The following CDH13 variants were observed in gnomAD, a reference collection of about 807,000 sequenced individuals.
CDH13 encodes cadherin 13.
CDH13 carries 24 observed loss-of-function variants against 63.8 expected under a neutral mutation model. The ratio of observed to expected loss-of-function variants is 0.38; its 90% confidence interval spans 0.27 to 0.53. The LOEUF (loss-of-function observed/expected upper bound fraction) is 0.53, where lower values mean the gene tolerates loss of function less well. CDH13 is among the 20% of genes least tolerant of loss of function. The pLI, the probability that CDH13 is intolerant of heterozygous loss-of-function variation, is 0.85. For missense variants in CDH13, 1,049 were observed against 903.1 expected (o/e 1.16, Z -2.07); for synonymous variants, 503 against 355.3 (o/e 1.42, Z -4.67).
intron 5 of CDH13, among the ~76,000 whole-genome samples, chr16:83,302,378 C>T (rs2089770362): frequency 6.6e-6 from 1 of 152,140 alleles, no homozygotes. Flanking sequence ...TGTAGAAGTT[C>T]TTGGCACAGA....
intron 2 of CDH13, among the ~76,000 whole-genome samples, chr16:82,902,974 G>A (rs2041520336): frequency 6.6e-6 from 1 of 152,126 alleles, no homozygotes; most frequent in South Asian, 2.1e-4. Context: ...TTGTCTTCAT[G>A]GCTAGCAACT....
At position 83,496,816 on chromosome 16, in the gene CDH13, A is replaced by G. The variant is rs554083253; in HGVS notation, c.960+10161A>G. On this transcript the variant is annotated intron_variant, in intron 7 of 13. Transcript: ENST00000567109. ...AATGAACTCAAACAAATTTACAAGA[A>G]AAAAACAAACAACCCCATCAAAAAG... Among the ~76,000 whole-genome samples the G allele has an allele frequency of 5.5e-3, 840 of 152,318 alleles. 2 individuals are homozygous for G. Among genetic ancestry groups the G allele is most frequent in the Non-Finnish European group, 8.4e-3 (574 of 68,020 alleles).
At chr16:83,233,369 C>T (rs1368971823) in intron 5 of CDH13, among the ~76,000 whole-genome samples, 7 of 152,172 alleles carry the variant, frequency 4.6e-5, no homozygotes, top group African/African-American at 1.2e-4. Context: ...ACAGATGCTA[C>T]GTCACCAGTC....
chr16:83,022,743 A>G (rs907531904), intron 2 of CDH13, among the ~76,000 whole-genome samples: 6 of 152,216 alleles, frequency 3.9e-5, no homozygotes, highest in Non-Finnish European at 8.8e-5. Context: ...CCACTCTGAA[A>G]GGGCCCCACA....
intron 8 of CDH13, among the ~76,000 whole-genome samples, chr16:83,609,879 T>G (rs1908696880): frequency 6.6e-6 from 1 of 152,158 alleles, no homozygotes; most frequent in Admixed American, 6.6e-5. Context: ...TACTCCCCAT[T>G]GCCCATTCCC....
intron 2 of CDH13, among the ~76,000 whole-genome samples, chr16:82,862,195 A>G (rs17673376): frequency 0.029 from 4,437 of 152,232 alleles, 98 homozygotes; most frequent in Non-Finnish European, 0.048. Context: ...GGGAGCTGAC[A>G]TCTTAGTACC....
chr16:82,920,530 C>T (rs1053207805), intron 2 of CDH13, among the ~76,000 whole-genome samples: 1 of 152,178 alleles, frequency 6.6e-6, no homozygotes, highest in African/African-American at 2.4e-5. Flanking sequence ...TGGAGTCACC[C>T]CATCTGTAAA....
chr16:83,481,688 C>A lies in CDH13; in HGVS notation c.782-4789C>A, dbSNP rs538471403. ...AACCAGGAACCTGGGATGTTTTCTT[C>A]CCCCTTTGGAGGAGCTGCTGCTAGT... On this transcript the variant is annotated intron_variant, in intron 6 of 13. Transcript: ENST00000567109. 2.0e-5 allele frequency among the ~76,000 whole-genome samples: 3 copies of A among 152,214 alleles called. No individual in the cohort carries two copies. In the East Asian group the frequency reaches 5.8e-4, roughly 29 times the overall value.
chr16:83,630,490 G>A (rs911944179), intron 8 of CDH13, among the ~76,000 whole-genome samples: 2 of 152,188 alleles, frequency 1.3e-5, no homozygotes, highest in Admixed American at 6.5e-5. Flanking sequence ...GGCGATCAGG[G>A]AGCTTACAGG....
intron 1 of CDH13, among the ~76,000 whole-genome samples, chr16:82,765,331 T>C (rs768379732): frequency 2.6e-5 from 4 of 152,226 alleles, no homozygotes; most frequent in African/African-American, 4.8e-5. Flanking sequence ...ATACTGCTAT[T>C]ATGCATCTGG....
intron 1 of CDH13, among the ~76,000 whole-genome samples, chr16:82,672,901 A>G (rs1015044143): frequency 6.7e-6 from 1 of 148,986 alleles, no homozygotes; most frequent in South Asian, 2.1e-4. Flanking sequence ...TGCCACTTCT[A>G]CCTCCTGGGC....
intron 8 of CDH13, among the ~76,000 whole-genome samples, chr16:83,662,229 G>A (rs183534401): frequency 6.0e-4 from 92 of 152,264 alleles, no homozygotes; most frequent in Middle Eastern, 3.4e-3. Flanking sequence ...CACCTGTTTA[G>A]TAATGGTGGA....
intron 1 of CDH13, among the ~76,000 whole-genome samples, chr16:82,700,970 C>CCCCCA (rs2030947767): frequency 2.3e-5 from 1 of 44,038 alleles, no homozygotes; most frequent in Admixed American, 1.6e-4. Context: ...CCCCCCCCCC[C>CCCCCA]CCCCGCCCCG....
intron 6 of CDH13, among the ~76,000 whole-genome samples, chr16:83,446,244 G>A (rs760069989): frequency 2.1e-4 from 31 of 151,210 alleles, no homozygotes; most frequent in East Asian, 3.9e-4. Context: ...CAGAGGTTGC[G>A]GTGAGCCGAG....
intron 7 of CDH13, among the ~76,000 whole-genome samples, chr16:83,555,359 C>T (rs1430748865): frequency 6.6e-6 from 1 of 152,206 alleles, no homozygotes; most frequent in South Asian, 2.1e-4. Context: ...CAAGACCCTG[C>T]CTGCCCCAGG....
chr16:83,577,563 C>T (rs1905174375), intron 7 of CDH13, among the ~76,000 whole-genome samples: 1 of 152,192 alleles, frequency 6.6e-6, no homozygotes, highest in Non-Finnish European at 1.5e-5. Flanking sequence ...ATGGGAATTA[C>T]TAATGGCCAT....
At chr16:83,424,090 A>C in intron 6 of CDH13, among the ~76,000 whole-genome samples, 1 of 152,004 alleles carries the variant, frequency 6.6e-6, no homozygotes, top group African/African-American at 2.4e-5. Context: ...GGGACTGAAA[A>C]GTCTAGAAGA....
intron 3 of CDH13, among the ~76,000 whole-genome samples, chr16:83,079,106 T>G (rs1219055210): frequency 1.3e-5 from 2 of 152,178 alleles, no homozygotes; most frequent in Non-Finnish European, 1.5e-5. Context: ...AGGTTTTTCA[T>G]GCATTGAAGT....
intron 6 of CDH13, among the ~76,000 whole-genome samples, chr16:83,457,017 G>A (rs2073041671): frequency 6.6e-6 from 1 of 152,164 alleles, no homozygotes; most frequent in East Asian, 1.9e-4. Flanking sequence ...TGAAATGCCA[G>A]GTAAGCAAGA....
Sources: allele counts gnomAD v4.1 joint callset (sites outside exome capture counted in the v4.1 genomes callset), GRCh38; gene constraint gnomAD v4.1.1; transcripts MANE v1.5; gene names NCBI Gene and HGNC (gene_info 2026-07-23, HGNC 2026-07-21).